CACNA2D1: variants seen among roughly 807,000 people sequenced by gnomAD.
The protein encoded by CACNA2D1 is voltage-dependent calcium channel subunit alpha-2/delta-1.
In CACNA2D1, 53 loss-of-function variants were observed where a neutral mutation model predicts 171.5. That is an observed-to-expected ratio of 0.31 (90% confidence interval 0.25 to 0.39). CACNA2D1 has a LOEUF of 0.39. Ranked by LOEUF, CACNA2D1 falls within the 10% of genes least tolerant of loss-of-function variation. The pLI is 1.00. For synonymous variants in CACNA2D1, 442 were observed against 443.1 expected, an observed-to-expected ratio of 1.00 and a Z score of 0.03; for missense variants, 903 against 1,299.8, an observed-to-expected ratio of 0.69 and a Z score of 4.69.
intron 6 of CACNA2D1, among the ~76,000 whole-genome samples, chr7:82,093,911 T>A (rs186317874): frequency 2.0e-5 from 3 of 152,342 alleles, no homozygotes; most frequent in Admixed American, 2.0e-4. Context: ...TTGGCTTTGC[T>A]GTGAGACTGC....
intron 34 of CACNA2D1, among the ~76,000 whole-genome samples, chr7:81,962,830 C>A (rs1280855354): frequency 2.6e-5 from 4 of 151,980 alleles, no homozygotes; most frequent in Admixed American, 6.6e-5. Flanking sequence ...ATTACGTCTC[C>A]TTATTTTAGT....
At chr7:82,195,870 T>C (rs1019997044) in intron 3 of CACNA2D1, among the ~76,000 whole-genome samples, 6 of 151,952 alleles carry the variant, frequency 3.9e-5, no homozygotes, top group Admixed American at 1.3e-4. Context: ...GGGTCTTAAC[T>C]CAGCTGCAGA....
At chr7:81,999,441 G>A (rs1035847789) in intron 18 of CACNA2D1, among the ~76,000 whole-genome samples, 6 of 151,938 alleles carry the variant, frequency 3.9e-5, no homozygotes, top group African/African-American at 1.2e-4. Context: ...GGTTATCAAT[G>A]GAAATAAATA....
chr7:82,246,064 G>A (rs1804880153), intron 3 of CACNA2D1, among the ~76,000 whole-genome samples: 1 of 151,372 alleles, frequency 6.6e-6, no homozygotes. Context: ...TAAATTGCTA[G>A]GTTTTTTAAA....
intron 3 of CACNA2D1, among the ~76,000 whole-genome samples, chr7:82,281,098 A>T (rs184851174): frequency 4.4e-3 from 663 of 152,292 alleles, no homozygotes; most frequent in Non-Finnish European, 8.5e-3. Context: ...CCACCTCCAC[A>T]TCAGCATCAA....
intron 10 of CACNA2D1, among the ~76,000 whole-genome samples, chr7:82,040,784 G>T (rs1803861955): frequency 6.6e-6 from 1 of 152,112 alleles, no homozygotes; most frequent in Admixed American, 6.6e-5. Context: ...AGACCAGCCT[G>T]ACCAACATGG....
chr7:82,110,802 A>G (rs1788285990), intron 6 of CACNA2D1, among the ~76,000 whole-genome samples: 1 of 152,154 alleles, frequency 6.6e-6, no homozygotes, highest in Non-Finnish European at 1.5e-5. Flanking sequence ...GGCCTTCTCT[A>G]TCTACCCATT....
rs555652098 is a variant in CACNA2D1, at chr7:82,137,671, A to C, written c.355-995T>G. ...TGGATCATGAGGTCAGGAGATCGAGACCATCCTGGCTAATACAGTGAAACT... is the reference window on the plus strand; with the variant it reads ...TGGATCATGAGGTCAGGAGATCGAGCCCATCCTGGCTAATACAGTGAAACT... On this transcript the variant is annotated intron_variant, in intron 4 of 38. Coordinates refer to ENST00000356860, the MANE Select transcript of CACNA2D1 (RefSeq NM_000722.4). 2.0e-5 allele frequency among the ~76,000 whole-genome samples: 3 copies of C among 146,500 alleles called. No homozygotes were observed. In the South Asian group the frequency reaches 6.6e-4, roughly 32 times the overall value.
Position 81,983,326 on chromosome 7 carries a change from CCTT to C in CACNA2D1, c.1879_1881del (p.Lys627del). 1 of 1,611,276 alleles carries C rather than the reference CCTT, an allele frequency of 6.2e-7. No homozygotes were observed. Among genetic ancestry groups the C allele is most frequent in the African/African-American group, 1.3e-5 (1 of 74,838 alleles). Reference sequence around the variant, plus strand: ...AGAAAATACTTGCCCTTCATTTTGCCCTTTTTTGCTGTGAAAATCCATCAGAAA... The same window carrying C: ...AGAAAATACTTGCCCTTCATTTTGCCTTTTGCTGTGAAAATCCATCAGAAA... On this transcript the variant is annotated inframe_deletion, in exon 23 of 39. Coordinates refer to ENST00000356860, the MANE Select transcript of CACNA2D1 (RefSeq NM_000722.4).
chr7:81,960,256 G>C (rs151078632), intron 36 of CACNA2D1, among the ~76,000 whole-genome samples: 2 of 152,172 alleles, frequency 1.3e-5, no homozygotes, highest in East Asian at 3.9e-4. Flanking sequence ...GAAAAGTCTG[G>C]AACAGTGCTA....
chr7:82,424,837 A>T (rs999467215), intron 1 of CACNA2D1, among the ~76,000 whole-genome samples: 2 of 152,268 alleles, frequency 1.3e-5, no homozygotes, highest in African/African-American at 4.8e-5. Context: ...GTGATGGGTC[A>T]TCTGATGCTT....
intron 1 of CACNA2D1, among the ~76,000 whole-genome samples, chr7:82,377,121 C>A (rs1823104657): frequency 6.6e-6 from 1 of 152,148 alleles, no homozygotes; most frequent in South Asian, 2.1e-4. Context: ...TCAGGAAAAT[C>A]TGGATGAATT....
At chr7:82,251,143 G>A (rs150230460) in intron 3 of CACNA2D1, among the ~76,000 whole-genome samples, 186 of 152,056 alleles carry the variant, frequency 1.2e-3, no homozygotes, top group African/African-American at 4.2e-3. Flanking sequence ...ATCTCTCAAC[G>A]CCATGATGTA....
At chr7:82,241,571 T>G (rs1415783218) in intron 3 of CACNA2D1, among the ~76,000 whole-genome samples, 1 of 152,156 alleles carries the variant, frequency 6.6e-6, no homozygotes, top group Non-Finnish European at 1.5e-5. Flanking sequence ...CCAAGAGATC[T>G]ACTTATACCA....
intron 3 of CACNA2D1, among the ~76,000 whole-genome samples, chr7:82,207,200 G>A (rs1800090328): frequency 1.3e-5 from 2 of 152,078 alleles, no homozygotes; most frequent in African/African-American, 4.8e-5. Context: ...GGTGTCAGAG[G>A]GTATTATATC....
At chr7:82,303,063 G>A (rs187989492) in intron 3 of CACNA2D1, among the ~76,000 whole-genome samples, 1 of 151,864 alleles carries the variant, frequency 6.6e-6, no homozygotes, top group Non-Finnish European at 1.5e-5. Context: ...GTGCGATCTC[G>A]GCTCACTGCA....
intron 1 of CACNA2D1, among the ~76,000 whole-genome samples, chr7:82,434,664 G>A (rs1829971240): frequency 6.6e-6 from 1 of 152,140 alleles, no homozygotes; most frequent in Admixed American, 6.6e-5. Context: ...TAAGGATAAT[G>A]TCTTCCTCTG....
In CACNA2D1 at chr7:82,394,166, G is replaced by A. The variant is rs183790860; in HGVS notation, c.96-44517C>T. On this transcript the variant is annotated intron_variant, in intron 1 of 38. Coordinates refer to ENST00000356860, the MANE Select transcript of CACNA2D1 (RefSeq NM_000722.4). The stretch of plus-strand genomic sequence containing the variant: ...TTGAAAATGGAGGGGGAGGGGTCAA[G>A]GAGGGCTCCAAAAGACACATTTCTT... Among the ~76,000 whole-genome samples, 5 of 152,224 alleles carry A rather than the reference G, an allele frequency of 3.3e-5. No individual in the cohort carries two copies. The East Asian group carries it at 9.7e-4, about 29-fold the overall frequency.
At chr7:82,324,353 CAA>C (rs796381675) in intron 3 of CACNA2D1, among the ~76,000 whole-genome samples, 10 of 77,330 alleles carry the variant, frequency 1.3e-4, no homozygotes, top group South Asian at 4.6e-4. Flanking sequence ...AGCCAAACTC[CAA>C]AAAAAAAAAA....
Sources: allele counts gnomAD v4.1 joint callset (sites outside exome capture counted in the v4.1 genomes callset), GRCh38; gene constraint gnomAD v4.1.1; transcripts MANE v1.5; gene names NCBI Gene and HGNC (gene_info 2026-07-23, HGNC 2026-07-21).